Variants in RBFOX1 observed in about 807,000 individuals in gnomAD.
RBFOX1 encodes RNA binding fox-1 homolog 1.
A neutral mutation model predicts 57.7 loss-of-function variants in RBFOX1; 8 were observed. That is an observed-to-expected ratio of 0.14 (90% CI 0.08 to 0.25). The LOEUF is 0.25. Ranked by LOEUF, RBFOX1 falls within the 10% of genes least tolerant of loss-of-function variation. The pLI, the probability that RBFOX1 is intolerant of heterozygous loss-of-function variation, is 1.00. For synonymous variants in RBFOX1, 326 were observed against 222.4 expected (o/e 1.47, Z -4.15); for missense variants, 611 against 548.5 (o/e 1.11, Z -1.14).
At chr16:6,465,686 G>T (rs1210030798) in intron 2 of RBFOX1, among the ~76,000 whole-genome samples, 4 of 148,526 alleles carry the variant, frequency 2.7e-5, no homozygotes, top group Non-Finnish European at 5.9e-5. Context: ...CTGCATATTT[G>T]TTTCTGTATT....
intron 1 of RBFOX1, among the ~76,000 whole-genome samples, chr16:5,241,419 C>T (rs988408461): frequency 1.3e-5 from 2 of 152,220 alleles, no homozygotes; most frequent in African/African-American, 4.8e-5. Context: ...GTCCCTCTCA[C>T]TCCCTCTACC....
At chr16:7,691,809 C>A (rs1271123681) in intron 14 of RBFOX1, among the ~76,000 whole-genome samples, 1 of 152,088 alleles carries the variant, frequency 6.6e-6, no homozygotes, top group Non-Finnish European at 1.5e-5. Context: ...TAGAGCTGCC[C>A]CACCCTCCTG....
chr16:7,599,821 G>C (rs539834428), intron 9 of RBFOX1, among the ~76,000 whole-genome samples: 1 of 150,094 alleles, frequency 6.7e-6, no homozygotes, highest in South Asian at 2.1e-4. Context: ...ATTTTTTGTA[G>C]AGACGGAGTT....
At chr16:5,328,686 C>T (rs2064656432) in intron 1 of RBFOX1, among the ~76,000 whole-genome samples, 1 of 152,232 alleles carries the variant, frequency 6.6e-6, no homozygotes, top group East Asian at 1.9e-4. Context: ...TTTTTGGTCC[C>T]AGCCTCCTGC....
chr16:7,076,813 C>G (rs1159067463), intron 4 of RBFOX1, among the ~76,000 whole-genome samples: 3 of 152,164 alleles, frequency 2.0e-5, no homozygotes, highest in African/African-American at 7.2e-5. Context: ...ACTCATATAC[C>G]TCCTGTGAGC....
rs116039503 is a variant in RBFOX1, at chr16:6,516,565, G to T, written c.-63-138038G>T. On this transcript the variant is annotated intron_variant, in intron 2 of 15. Transcript: ENST00000550418. ...TAATTTTTTATAACCCTAGCACTTT[G>T]TACATGAAGAGTGACTAGTTCATAA... Among the ~76,000 whole-genome samples the T allele has an allele frequency of 1.8e-3, 268 of 152,188 alleles. 3 individuals are homozygous for T. The highest frequency in any genetic ancestry group is 6.2e-3 in the African/African-American group (258 of 41,514).
At chr16:7,520,325 G>C (rs150620235) in intron 5 of RBFOX1, among the ~76,000 whole-genome samples, 33 of 152,204 alleles carry the variant, frequency 2.2e-4, no homozygotes, top group Admixed American at 7.2e-4. Flanking sequence ...ATAGCATTCA[G>C]TGTATTCACA....
At chr16:6,678,677 A>G (rs1021635001) in intron 3 of RBFOX1, among the ~76,000 whole-genome samples, 2 of 151,852 alleles carry the variant, frequency 1.3e-5, no homozygotes, top group Non-Finnish European at 2.9e-5. Flanking sequence ...AGATACACAG[A>G]ACAAATGTAG....
chr16:5,276,642 G>A (rs1039281429), intron 1 of RBFOX1, among the ~76,000 whole-genome samples: 4 of 152,170 alleles, frequency 2.6e-5, no homozygotes, highest in African/African-American at 4.8e-5. Flanking sequence ...AATTAGCCGG[G>A]CATGGTGGCG....
rs149059834 is a variant in RBFOX1, at chr16:5,381,007, G to A, written c.220-86209G>A. On this transcript the variant is annotated intron_variant, in intron 1 of 2. Transcript: ENST00000585867. ...TGGATTTTTTTTATCAATCAGTGGC[G>A]GAAAGCATGGCTTGAGCTTTGGAAC... Among the ~76,000 whole-genome samples, 157 of 152,290 alleles carry A rather than the reference G, an allele frequency of 1.0e-3. 1 individual carries two copies. In the Middle Eastern group the frequency reaches 0.014, roughly 13 times the overall value.
chr16:6,672,259 C>G (rs2098770320), intron 3 of RBFOX1, among the ~76,000 whole-genome samples: 1 of 151,904 alleles, frequency 6.6e-6, no homozygotes, highest in African/African-American at 2.4e-5. Context: ...CGCTTAGAGT[C>G]CATTGGAGAA....
intron 4 of RBFOX1, among the ~76,000 whole-genome samples, chr16:7,207,572 C>A (rs1165428106): frequency 6.6e-6 from 1 of 152,076 alleles, no homozygotes; most frequent in East Asian, 1.9e-4. Context: ...ACTGATCTTG[C>A]CACAAAAAAT....
At position 7,674,855 on chromosome 16, in the gene RBFOX1, A is replaced by T. The variant is rs145200371; in HGVS notation, c.931-1919A>T. On this transcript the variant is annotated intron_variant, in intron 13 of 15. Transcript: ENST00000550418. The stretch of plus-strand genomic sequence containing the variant: ...TCGCTGCCTTCTTCCATTGACTGAA[A>T]CTAAGGCAGAAGGTGGAGGATATGC... 5.6e-4 allele frequency among the ~76,000 whole-genome samples: 85 copies of T among 152,326 alleles called. 1 individual carries two copies. The East Asian group carries it at 0.015, about 27-fold the overall frequency.
At chr16:5,983,648 G>C (rs928953281) in intron 4 of RBFOX1, among the ~76,000 whole-genome samples, 3 of 152,074 alleles carry the variant, frequency 2.0e-5, no homozygotes, top group Non-Finnish European at 4.4e-5. Flanking sequence ...TCTGACTCTC[G>C]TTGTTATTCT....
At chr16:7,001,701 T>A (rs2092823527) in intron 3 of RBFOX1, among the ~76,000 whole-genome samples, 1 of 152,028 alleles carries the variant, frequency 6.6e-6, no homozygotes, top group Non-Finnish European at 1.5e-5. Context: ...AAGTGATCCA[T>A]CCTCCTTGGC....
At chr16:6,880,801 T>G (rs114954893) in intron 3 of RBFOX1, among the ~76,000 whole-genome samples, 9,626 of 152,250 alleles carry the variant, frequency 0.063, 1,058 homozygotes, top group African/African-American at 0.22. Context: ...ATTTCTTATA[T>G]TATTGAAAGA....
At chr16:6,067,613 C>T (rs2095784025) in intron 1 of RBFOX1, among the ~76,000 whole-genome samples, 1 of 152,106 alleles carries the variant, frequency 6.6e-6, no homozygotes, top group African/African-American at 2.4e-5. Context: ...TTTTGCTTTT[C>T]CATGAAGGTA....
At chr16:6,036,646 C>T (rs545426605) in intron 1 of RBFOX1, among the ~76,000 whole-genome samples, 5 of 152,168 alleles carry the variant, frequency 3.3e-5, no homozygotes, top group African/African-American at 1.2e-4. Context: ...GTTTTCCTTT[C>T]TCCACTTTTA....
chr16:6,988,052 T>C (rs1479395856), intron 3 of RBFOX1, among the ~76,000 whole-genome samples: 3 of 152,152 alleles, frequency 2.0e-5, no homozygotes, highest in Non-Finnish European at 2.9e-5. Context: ...TGCTATTAGT[T>C]ACCCCACATT....
Sources: allele counts gnomAD v4.1 joint callset (sites outside exome capture counted in the v4.1 genomes callset), GRCh38; gene constraint gnomAD v4.1.1; transcripts MANE v1.5; gene names NCBI Gene and HGNC (gene_info 2026-07-23, HGNC 2026-07-21).